The following DOP1B variants were observed in gnomAD, a reference collection of about 807,000 sequenced individuals.
The protein encoded by DOP1B is DOP1 leucine zipper like protein B, also known as protein DOP1B.
DOP1B carries 174 observed loss-of-function variants against 233.5 expected under a neutral mutation model. The observed-to-expected ratio is 0.75, with a 90% CI of 0.66 to 0.85. DOP1B has a LOEUF of 0.85. DOP1B is among the 40% of genes least tolerant of loss of function. The pLI, the probability that DOP1B is intolerant of heterozygous loss-of-function variation, is 0.00. For missense variants in DOP1B, 2,652 were observed against 2,846.6 expected (o/e 0.93, Z 1.56); for synonymous variants, 1,190 against 1,185.6 (o/e 1.00, Z -0.08).
At chr21:36,243,634 G>T (rs1391967528) in intron 18 of DOP1B, among the ~76,000 whole-genome samples, 2 of 151,200 alleles carry the variant, frequency 1.3e-5, no homozygotes, top group Non-Finnish European at 2.9e-5. Context: ...CTCCTAACTG[G>T]GCTCATTCTA....
chr21:36,248,556 T>A lies in DOP1B; in HGVS notation c.4986T>A (p.Phe1662Leu). 1 of 1,606,944 alleles carries A rather than the reference T, an allele frequency of 6.2e-7. No homozygotes were observed. The highest frequency in any genetic ancestry group is 8.5e-7 in the Non-Finnish European group (1 of 1,177,338). Residue 1662 changes from phenylalanine (F) to leucine (L), a missense_variant, in exon 21 of 37, where the codon TTT (phenylalanine) becomes TTA (leucine). Physicochemically the swap from Phe to Leu is conservative, Grantham distance 22. Around this residue, in one of 3 missense-constraint regions of DOP1B, gnomAD observed 2,617 missense variants for 2,794.3 expected, o/e 0.94. Transcript: ENST00000691173. ...GATKGSSSVY[F>L]KTTKTIRQKI... ...CGAAGGGATCCTCTTCCGTTTACTT[T>A]AAAACCACCAAAGTAAGAGGATGTC... is the stretch of plus-strand genomic sequence containing the variant.
intron 21 of DOP1B, among the ~76,000 whole-genome samples, 156 bp from the exon 22 acceptor site, chr21:36,251,006 C>G: frequency 6.6e-6 from 1 of 152,236 alleles, no homozygotes; most frequent in Non-Finnish European, 1.5e-5. Flanking sequence ...CCTCCCATTG[C>G]TGGGATCCAC....
chr21:36,285,330 G>C (rs1404824624), intron 32 of DOP1B, among the ~76,000 whole-genome samples: 1 of 152,134 alleles, frequency 6.6e-6, no homozygotes, highest in African/African-American at 2.4e-5. Flanking sequence ...AAAGTGCTGG[G>C]ATTACAGGCA....
chr21:36,238,652 A>G lies in DOP1B; in HGVS notation c.2827A>G (p.Arg943Gly). Residue 943 changes from arginine (R) to glycine (G), a missense_variant, in exon 17 of 37, where the codon AGA becomes GGA. This residue lies in a region of DOP1B where 2,617 missense variants were observed against 2,794.3 expected (regional missense o/e 0.94). Transcript: ENST00000691173. ...ATTTTCCGTGATCTGGCATCTGACA[A>G]GAGAGATCCAAGGCAGTCGAGTAAC... Reference protein sequence around the residue: ...FRFSVIWHLTREIQGSRVTSH... With the variant: ...FRFSVIWHLTGEIQGSRVTSH... 1 of 1,613,978 alleles carries G rather than the reference A, an allele frequency of 6.2e-7. No individual in the cohort carries two copies. Among genetic ancestry groups the G allele is most frequent in the Non-Finnish European group, 8.5e-7 (1 of 1,179,796 alleles).
At chr21:36,244,978 A>ACCG in intron 18 of DOP1B, 70 bp from the exon 19 acceptor site, 1 of 1,464,062 alleles carries the variant, frequency 6.8e-7, no homozygotes, top group Non-Finnish European at 9.2e-7. Context: ...TAAGACAAAG[A>ACCG]CCGCCCTACA....
intron 14 of DOP1B, 67 bp downstream of exon 14, chr21:36,231,201 A>G: frequency 6.6e-7 from 1 of 1,508,182 alleles, no homozygotes; most frequent in Middle Eastern, 1.8e-4. Context: ...CGTGGGTGGA[A>G]TATCCCCTAT....
At chr21:36,280,402 A>T (rs1281357573) in intron 31 of DOP1B, 56 bp downstream of exon 31, 5 of 1,313,792 alleles carry the variant, frequency 3.8e-6, no homozygotes, top group Non-Finnish European at 4.3e-6. Context: ...ATGCCAATAT[A>T]ACCAGCTTTC....
rs574409300 is a variant in DOP1B at position 36,164,995 on chromosome 21, A to G, written c.138+124A>G. ...TAATCTTTATATCATTACATATTAT[A>G]CAGTATAATCTTTATATTATTTCAA... On this transcript the variant is annotated intron_variant, in intron 2 of 36. Transcript: ENST00000691173. 2.8e-5 allele frequency: 23 copies of G among 827,408 alleles called. No homozygotes were observed. In the South Asian group the frequency reaches 1.0e-3, roughly 36 times the overall value. 51.3% of individuals were successfully genotyped at this position (827,408 alleles called of 1,614,324 possible). A position where few individuals can be genotyped will look rare whatever the true frequency, so the allele number is the denominator to read the frequency against.
intron 6 of DOP1B, 124 bp downstream of exon 6, chr21:36,211,775 G>A: frequency 7.7e-7 from 1 of 1,303,678 alleles, no homozygotes; most frequent in Admixed American, 2.0e-5. Context: ...CTGGTAGCCA[G>A]TGAAAAGTCC....
At chr21:36,225,736 C>T (rs1722903240) in intron 12 of DOP1B, 69 bp downstream of exon 12, 12 of 1,438,632 alleles carry the variant, frequency 8.3e-6, no homozygotes, top group Non-Finnish European at 1.2e-5. Flanking sequence ...TGATGGCCTG[C>T]TTTATCAACC....
intron 4 of DOP1B, among the ~76,000 whole-genome samples, chr21:36,201,086 G>C (rs771924217): frequency 6.6e-6 from 1 of 152,132 alleles, no homozygotes; most frequent in Non-Finnish European, 1.5e-5. Context: ...GTCCTGTCCC[G>C]TTACGGAGTT....
At chr21:36,176,833 T>A in intron 2 of DOP1B, among the ~76,000 whole-genome samples, 1 of 152,068 alleles carries the variant, frequency 6.6e-6, no homozygotes, top group African/African-American at 2.4e-5. Context: ...TTCTTTTCTT[T>A]TTTGAGACAG....
chr21:36,219,499 G>A lies in DOP1B; in HGVS notation c.1250+7G>A, dbSNP rs201870225. On this transcript the variant is annotated splice_region_variant and intron_variant, in intron 10 of 36. Coordinates refer to ENST00000691173, the MANE Select transcript of DOP1B (RefSeq NM_001320714.2). Reference sequence around the variant, plus strand: ...GTGGAAATTCGCTGATAAGGTATGGGTTTGGCCTTGAACCTCACGCATCTC... The same window carrying A: ...GTGGAAATTCGCTGATAAGGTATGGATTTGGCCTTGAACCTCACGCATCTC... The A allele has an allele frequency of 1.3e-5, 21 of 1,613,720 alleles. No homozygotes were observed. Among genetic ancestry groups the A allele is most frequent in the East Asian group, 2.2e-5 (1 of 44,856 alleles).
chr21:36,253,142 T>G (rs1015670206), intron 22 of DOP1B, among the ~76,000 whole-genome samples: 1 of 152,224 alleles, frequency 6.6e-6, no homozygotes, highest in Non-Finnish European at 1.5e-5. Context: ...ACTTCTGTCA[T>G]CAAAAATATG....
chr21:36,202,722 T>C (rs1423954996), intron 4 of DOP1B, among the ~76,000 whole-genome samples: 1 of 152,220 alleles, frequency 6.6e-6, no homozygotes, highest in African/African-American at 2.4e-5. Flanking sequence ...AATCCACCTT[T>C]ACAGTTTCTA....
At chr21:36,187,510 T>C (rs2066178109) in intron 2 of DOP1B, among the ~76,000 whole-genome samples, 1 of 152,156 alleles carries the variant, frequency 6.6e-6, no homozygotes, top group South Asian at 2.1e-4. Context: ...TTGGCTAGGC[T>C]GGTCTTGAAC....
chr21:36,181,528 C>A (rs916493403), intron 2 of DOP1B, among the ~76,000 whole-genome samples: 3 of 152,226 alleles, frequency 2.0e-5, no homozygotes, highest in East Asian at 1.9e-4. Context: ...ATCCACCCCC[C>A]TCAGCCTCCC....
At chr21:36,187,164 T>C (rs1481122793) in intron 2 of DOP1B, among the ~76,000 whole-genome samples, 1 of 150,828 alleles carries the variant, frequency 6.6e-6, no homozygotes, top group Non-Finnish European at 1.5e-5. Context: ...CCCCAAGGCC[T>C]GGCCTGGGTT....
At chr21:36,271,638 A>G (rs990503088) in intron 27 of DOP1B, among the ~76,000 whole-genome samples, 1 of 151,870 alleles carries the variant, frequency 6.6e-6, no homozygotes, top group Admixed American at 6.6e-5. Context: ...ACAACATACT[A>G]TGTGTGTGTG....
Sources: allele counts gnomAD v4.1 joint callset (sites outside exome capture counted in the v4.1 genomes callset), GRCh38; gene constraint gnomAD v4.1.1; regional missense constraint gnomAD v4.1.1; transcripts MANE v1.5; gene names NCBI Gene and HGNC (gene_info 2026-07-23, HGNC 2026-07-21).